Variants in KCNMB2 observed in about 807,000 individuals in gnomAD.
KCNMB2 encodes potassium calcium-activated channel subfamily M regulatory beta subunit 2.
Under a neutral mutation model 24.5 loss-of-function variants are expected in KCNMB2, and 9 were observed. That is an observed-to-expected ratio of 0.37 (90% CI 0.22 to 0.64). KCNMB2 has a LOEUF of 0.64. KCNMB2 is among the 30% of genes least tolerant of loss of function. KCNMB2 has a pLI of 0.63. For synonymous variants in KCNMB2, 109 were observed against 104.4 expected, an observed-to-expected ratio of 1.04 and a Z score of -0.27; for missense variants, 226 against 284.3, an observed-to-expected ratio of 0.79 and a Z score of 1.47.
chr3:178,686,436 C>T (rs990826179), intron 1 of KCNMB2, among the ~76,000 whole-genome samples: 1 of 152,170 alleles, frequency 6.6e-6, no homozygotes, highest in Non-Finnish European at 1.5e-5. Context: ...CAATTCCTCT[C>T]TGTGCCCTGT....
chr3:178,655,166 G>A (rs528714911), intron 1 of KCNMB2, among the ~76,000 whole-genome samples: 9 of 146,500 alleles, frequency 6.1e-5, no homozygotes, highest in African/African-American at 2.0e-4. Context: ...CTGGGACTTA[G>A]TGAAATGAAT....
intron 1 of KCNMB2, among the ~76,000 whole-genome samples, chr3:178,767,933 A>G (rs948640139): frequency 2.0e-5 from 3 of 152,112 alleles, no homozygotes; most frequent in African/African-American, 7.2e-5. Context: ...TTTTGTCAAG[A>G]CACTTTCTTC....
At chr3:178,834,877 C>T (rs183381101) in intron 4 of KCNMB2, among the ~76,000 whole-genome samples, 11 of 151,790 alleles carry the variant, frequency 7.2e-5, no homozygotes, top group African/African-American at 2.2e-4. Context: ...AAGAATGTGC[C>T]AGAAAGAAGC....
At chr3:178,547,441 AG>A (rs549805714) in intron 1 of KCNMB2, among the ~76,000 whole-genome samples, 17 of 152,362 alleles carry the variant, frequency 1.1e-4, no homozygotes, top group African/African-American at 3.4e-4. Context: ...ACAACTGGAT[AG>A]ATGGTGAGAT....
intron 1 of KCNMB2, among the ~76,000 whole-genome samples, chr3:178,607,459 G>A (rs1718313064): frequency 6.6e-6 from 1 of 152,082 alleles, no homozygotes; most frequent in Admixed American, 6.6e-5. Flanking sequence ...TTAACTTCTT[G>A]TTCTAGACTG....
intron 4 of KCNMB2, chr3:178,841,766 T>A (rs1352043651): frequency 6.6e-6 from 1 of 152,222 alleles, no homozygotes; most frequent in East Asian, 1.9e-4. Context: ...ACCAGGTCCC[T>A]CTCCTGATAC....
At chr3:178,645,045 ATTTTT>A (rs10576689) in intron 1 of KCNMB2, among the ~76,000 whole-genome samples, 94 of 92,464 alleles carry the variant, frequency 1.0e-3, no homozygotes, top group African/African-American at 4.3e-3. Flanking sequence ...AAGATCCAAG[ATTTTT>A]TTTTTTTTTT....
intron 1 of KCNMB2, among the ~76,000 whole-genome samples, chr3:178,617,889 T>TAAAA (rs3052262): frequency 1.0e-5 from 1 of 99,256 alleles, no homozygotes; most frequent in Non-Finnish European, 2.0e-5. Context: ...AGACTCTGTC[T>TAAAA]AAAAAAAAAA....
intron 1 of KCNMB2, among the ~76,000 whole-genome samples, chr3:178,656,331 C>T (rs1218558028): frequency 6.6e-6 from 1 of 152,178 alleles, no homozygotes; most frequent in East Asian, 1.9e-4. Flanking sequence ...TTCATGCTAA[C>T]AAACACTGAA....
At chr3:178,625,756 A>T (rs990488795) in intron 1 of KCNMB2, among the ~76,000 whole-genome samples, 9 of 152,210 alleles carry the variant, frequency 5.9e-5, no homozygotes, top group African/African-American at 2.2e-4. Flanking sequence ...CAACTCCTCA[A>T]AATGGACTAT....
At chr3:178,635,393 A>G (rs1719482626) in intron 1 of KCNMB2, among the ~76,000 whole-genome samples, 1 of 147,894 alleles carries the variant, frequency 6.8e-6, no homozygotes, top group African/African-American at 2.5e-5. Context: ...TATCCCTTAC[A>G]CAGGTGCTTA....
chr3:178,732,323 A>G (rs1723179309), intron 1 of KCNMB2, among the ~76,000 whole-genome samples: 1 of 152,172 alleles, frequency 6.6e-6, no homozygotes, highest in Admixed American at 6.5e-5. Flanking sequence ...TTGCTATACA[A>G]TTTATTTGTA....
At chr3:178,665,836 T>C (rs1335790795) in intron 1 of KCNMB2, among the ~76,000 whole-genome samples, 1 of 152,172 alleles carries the variant, frequency 6.6e-6, no homozygotes, top group Non-Finnish European at 1.5e-5. Context: ...TAAATGGTGA[T>C]ACTAAGACCA....
chr3:178,686,118 T>C (rs1721462164), intron 1 of KCNMB2, among the ~76,000 whole-genome samples: 1 of 152,226 alleles, frequency 6.6e-6, no homozygotes, highest in Non-Finnish European at 1.5e-5. Flanking sequence ...CACTTTTTAG[T>C]ATAGATAGGA....
At chr3:178,827,608 G>T (rs1038153611) in intron 3 of KCNMB2, among the ~76,000 whole-genome samples, 10 of 151,986 alleles carry the variant, frequency 6.6e-5, no homozygotes, top group African/African-American at 2.4e-4. Context: ...TAATGAAAGG[G>T]TTGAGTTATC....
rs1165982066 is a variant in KCNMB2 at position 178,828,184 on chromosome 3, G to T, written c.234G>T (p.Trp78Cys). The T allele has an allele frequency of 1.2e-6, 2 of 1,613,174 alleles. No homozygotes were observed. The highest frequency in any genetic ancestry group is 2.7e-5 in the African/African-American group (2 of 74,994). Reference sequence around the variant, plus strand: ...CTCACCCCTTTCTCTGCAGCGTGTGGACCGAAGAGTCTCAATGCACCTTGC... The same window carrying T: ...CTCACCCCTTTCTCTGCAGCGTGTGTACCGAAGAGTCTCAATGCACCTTGC... ...TLLRSYMQSV[W>C]TEESQCTLLN... The change falls in exon 4 of 5, where the codon TGG becomes TGT. Residue 78 changes from tryptophan to cysteine, a missense_variant. Trp to Cys is a radical substitution (Grantham distance 215). Coordinates refer to ENST00000452583, the MANE Select transcript of KCNMB2 (RefSeq NM_181361.3).
chr3:178,624,579 AT>A (rs1283536130), intron 1 of KCNMB2, among the ~76,000 whole-genome samples: 1 of 117,638 alleles, frequency 8.5e-6, no homozygotes, highest in Non-Finnish European at 1.7e-5. Context: ...GTAGCTTTCT[AT>A]TTTTTCTTTT....
At chr3:178,717,698 A>C (rs1001189155) in intron 1 of KCNMB2, among the ~76,000 whole-genome samples, 1 of 152,184 alleles carries the variant, frequency 6.6e-6, no homozygotes, top group African/African-American at 2.4e-5. Flanking sequence ...CAACATTATC[A>C]ACTTATTCAG....
intron 1 of KCNMB2, among the ~76,000 whole-genome samples, chr3:178,630,479 C>T (rs1024883985): frequency 3.3e-5 from 5 of 152,200 alleles, no homozygotes; most frequent in Non-Finnish European, 4.4e-5. Context: ...ACAGAGAGAA[C>T]GATCTCTTCT....
Sources: gnomAD v4.1 joint callset for allele counts (sites outside exome capture counted in the v4.1 genomes callset) on GRCh38, gnomAD v4.1.1 for gene constraint, MANE v1.5 for transcripts, NCBI Gene and HGNC (gene_info 2026-07-23, HGNC 2026-07-21) for gene names.